The following CSMD3 variants were observed in gnomAD, a reference collection of about 807,000 sequenced individuals.
CSMD3 encodes the protein CUB and Sushi multiple domains 3.
CSMD3 carries 177 observed loss-of-function variants against 435.2 expected under a neutral mutation model. The ratio of observed to expected loss-of-function variants is 0.41; its 90% CI spans 0.36 to 0.46. The LOEUF is 0.46. Among genes scored for constraint, CSMD3 ranks in the 20% least tolerant of loss-of-function variants. The pLI, the probability that CSMD3 is intolerant of heterozygous loss-of-function variation, is 0.34. For synonymous variants in CSMD3, 1,656 were observed against 1,520.5 expected, an observed-to-expected ratio of 1.09 and a Z score of -2.07; for missense variants, 4,265 against 4,504.6, an observed-to-expected ratio of 0.95 and a Z score of 1.52.
At chr8:112,554,524 A>C (rs1469217079) in intron 25 of CSMD3, among the ~76,000 whole-genome samples, 1 of 151,940 alleles carries the variant, frequency 6.6e-6, no homozygotes, top group African/African-American at 2.4e-5. Context: ...TAATTTGAGA[A>C]CAGAGTTGAT....
intron 11 of CSMD3, among the ~76,000 whole-genome samples, chr8:112,858,393 C>T (rs953152479): frequency 1.2e-4 from 18 of 151,550 alleles, no homozygotes; most frequent in Non-Finnish European, 2.2e-4. Flanking sequence ...TTCATGAGCT[C>T]GACCACCAAA....
intron 3 of CSMD3, among the ~76,000 whole-genome samples, chr8:113,267,008 C>G (rs1290816965): frequency 6.6e-6 from 1 of 151,540 alleles, no homozygotes; most frequent in East Asian, 1.9e-4. Flanking sequence ...AAAATTTCAA[C>G]ATCACTAATA....
intron 9 of CSMD3, among the ~76,000 whole-genome samples, chr8:112,947,167 T>C (rs953319801): frequency 6.6e-6 from 1 of 151,656 alleles, no homozygotes; most frequent in Non-Finnish European, 1.5e-5. Context: ...TCTAGAGGAC[T>C]AAGAAAAATT....
chr8:112,405,246 T>TATATATATACACAC (rs1199452249), intron 35 of CSMD3, among the ~76,000 whole-genome samples: 3 of 81,532 alleles, frequency 3.7e-5, no homozygotes, highest in African/African-American at 1.6e-4. Context: ...TATATATATA[T>TATATATATACACAC]ACATATATAT....
intron 22 of CSMD3, among the ~76,000 whole-genome samples, chr8:112,622,012 T>C (rs997780051): frequency 2.0e-5 from 3 of 152,092 alleles, no homozygotes; most frequent in Non-Finnish European, 4.4e-5. Context: ...CTTAGAAAGG[T>C]CTGAGGTCTA....
intron 4 of CSMD3, among the ~76,000 whole-genome samples, chr8:113,110,607 T>C (rs377135371): frequency 2.4e-4 from 36 of 152,288 alleles, no homozygotes; most frequent in Middle Eastern, 6.8e-3. Flanking sequence ...CCTAAGAAGA[T>C]TGAGGCTTTC....
rs1405406537 is a variant in CSMD3, at chr8:112,410,638, GTA to G, written c.5396-1608_5396-1607del. ...TATGTATATATATGTGTATATATAT[GTA>G]TATATATATGTGTATATATATGTAT... On this transcript the variant is annotated intron_variant, in intron 32 of 70. Transcript: ENST00000297405. 5.8e-3 allele frequency among the ~76,000 whole-genome samples: 292 copies of G among 50,222 alleles called. 8 individuals are homozygous for G. Among genetic ancestry groups the G allele is most frequent in the African/African-American group, 0.024 (267 of 11,210 alleles). 32.9% of individuals were successfully genotyped at this position (50,222 alleles called of 152,430 possible).
chr8:112,313,776 T>G, intron 49 of CSMD3, 130 bp downstream of exon 49: 1 of 687,384 alleles, frequency 1.5e-6, no homozygotes, highest in Non-Finnish European at 2.6e-6. Context: ...TTACATAAAT[T>G]GTCCAGGAAC....
At chr8:113,023,129 A>C (rs1052583007) in intron 5 of CSMD3, among the ~76,000 whole-genome samples, 4 of 152,028 alleles carry the variant, frequency 2.6e-5, no homozygotes, top group African/African-American at 9.7e-5. Context: ...ATTATAAGAT[A>C]AATTGTCAGG....
intron 11 of CSMD3, among the ~76,000 whole-genome samples, chr8:112,830,193 T>A (rs2079828814): frequency 6.6e-6 from 1 of 152,172 alleles, no homozygotes; most frequent in Non-Finnish European, 1.5e-5. Context: ...GCATATATAT[T>A]TTATAAAGTT....
chr8:112,309,952 G>T (rs1482616467), intron 50 of CSMD3, among the ~76,000 whole-genome samples: 2 of 151,926 alleles, frequency 1.3e-5, no homozygotes, highest in Non-Finnish European at 2.9e-5. Flanking sequence ...AAGACTTCTT[G>T]TTTATTAACC....
At chr8:112,805,205 A>G (rs1473908771) in intron 12 of CSMD3, among the ~76,000 whole-genome samples, 1 of 152,024 alleles carries the variant, frequency 6.6e-6, no homozygotes, top group East Asian at 1.9e-4. Context: ...TTCCATAGGG[A>G]GTGTCTGTGG....
chr8:113,054,133 T>G (rs547026042), intron 5 of CSMD3, among the ~76,000 whole-genome samples: 1 of 152,320 alleles, frequency 6.6e-6, no homozygotes, highest in South Asian at 2.1e-4. Flanking sequence ...CTCTCTTTTT[T>G]AATCTGGCTT....
chr8:112,970,870 C>T (rs940252585), intron 7 of CSMD3, among the ~76,000 whole-genome samples: 4 of 151,770 alleles, frequency 2.6e-5, no homozygotes, highest in Admixed American at 6.6e-5. Context: ...TACAGGCGCC[C>T]GCCACCACGC....
At chr8:113,322,812 C>A (rs2093957953) in intron 1 of CSMD3, among the ~76,000 whole-genome samples, 2 of 152,026 alleles carry the variant, frequency 1.3e-5, no homozygotes, top group African/African-American at 2.4e-5. Flanking sequence ...GTGGTGTGAT[C>A]TCAACTCACT....
chr8:113,263,612 C>G (rs533707805), intron 3 of CSMD3, among the ~76,000 whole-genome samples: 1 of 151,674 alleles, frequency 6.6e-6, no homozygotes, highest in Non-Finnish European at 1.5e-5. Flanking sequence ...GACTTTTGGG[C>G]GCTTCTTTTT....
chr8:112,550,648 A>C (rs1272520154), intron 27 of CSMD3, 23 bp downstream of exon 27: 7 of 1,381,380 alleles, frequency 5.1e-6, no homozygotes, highest in Non-Finnish European at 7.2e-6. Flanking sequence ...TTTGCATTGA[A>C]GAAATTTTTT....
intron 30 of CSMD3, among the ~76,000 whole-genome samples, chr8:112,500,477 C>T (rs145397736): frequency 3.3e-5 from 5 of 152,098 alleles, no homozygotes; most frequent in South Asian, 4.1e-4. Flanking sequence ...AAACTATTCT[C>T]GATACTAGAA....
At chr8:112,491,143 C>A (rs930030385) in intron 31 of CSMD3, among the ~76,000 whole-genome samples, 1 of 151,944 alleles carries the variant, frequency 6.6e-6, no homozygotes, top group African/African-American at 2.4e-5. Flanking sequence ...ACATGTAATT[C>A]TTATAAGTGA....
Sources: allele counts gnomAD v4.1 joint callset (sites outside exome capture counted in the v4.1 genomes callset), GRCh38; gene constraint gnomAD v4.1.1; transcripts MANE v1.5; gene names NCBI Gene and HGNC (gene_info 2026-07-23, HGNC 2026-07-21).